Variants in GALNT12 observed in about 807,000 individuals in gnomAD.
GALNT12 encodes the protein UDP-GalNAc:polypeptide N-acetylgalactosaminyltransferase 12.
A neutral mutation model predicts 55.5 loss-of-function variants in GALNT12; 45 were observed. The observed-to-expected ratio is 0.81, with a 90% CI of 0.64 to 1.04. The LOEUF (loss-of-function observed/expected upper bound fraction) is 1.04, where lower values mean the gene tolerates loss of function less well. Among genes scored for constraint, GALNT12 ranks in the 50% least tolerant of loss-of-function variants. The pLI is 0.00. For missense variants in GALNT12, 709 were observed against 754.8 expected, an observed-to-expected ratio of 0.94 and a Z score of 0.71; for synonymous variants, 304 against 312.2, an observed-to-expected ratio of 0.97 and a Z score of 0.28.
Position 98,846,191 on chromosome 9 carries a change from A to T in GALNT12, c.1605+68A>T, listed in dbSNP as rs903491812. On this transcript the variant is annotated intron_variant, in intron 9 of 9. Transcript: ENST00000375011. ...CTATAAGGGAGAGTGTGAGAGTCAG[A>T]CGTTCTCTCTGGCATAGTCCTGGTG... 2.5e-6 allele frequency: 4 copies of T among 1,577,698 alleles called. No homozygotes were observed. In the African/African-American group the frequency reaches 4.1e-5, roughly 16 times the overall value.
chr9:98,845,234 C>G (rs1836384984), intron 8 of GALNT12, among the ~76,000 whole-genome samples: 1 of 152,098 alleles, frequency 6.6e-6, no homozygotes, highest in African/African-American at 2.4e-5. Flanking sequence ...TTTTAAGCAG[C>G]TTTTCAGGAG....
intron 9 of GALNT12, 112 bp from the exon 10 acceptor site, chr9:98,848,840 T>C: frequency 7.9e-7 from 1 of 1,273,228 alleles, no homozygotes; most frequent in Non-Finnish European, 1.1e-6. Flanking sequence ...CACTTACCCC[T>C]CAATAAATAT....
intron 9 of GALNT12, among the ~76,000 whole-genome samples, chr9:98,848,611 G>T (rs1836472766): frequency 6.6e-6 from 1 of 152,234 alleles, no homozygotes; most frequent in Non-Finnish European, 1.5e-5. Context: ...TGCACGGAAT[G>T]AGTTGACCTA....
chr9:98,833,230 G>A (rs1175550408), intron 4 of GALNT12, among the ~76,000 whole-genome samples: 1 of 152,194 alleles, frequency 6.6e-6, no homozygotes, highest in African/African-American at 2.4e-5. Flanking sequence ...TTGGGCAGGA[G>A]GAGGTCAGGA....
intron 3 of GALNT12, among the ~76,000 whole-genome samples, chr9:98,829,167 A>ATCTATCTATCTG (rs1835934267): frequency 6.8e-6 from 1 of 146,852 alleles, no homozygotes. Flanking sequence ...CTATCTATCT[A>ATCTATCTATCTG]TCTATCTATC....
At chr9:98,833,713 A>G (rs1362986143) in intron 4 of GALNT12, among the ~76,000 whole-genome samples, 1 of 152,234 alleles carries the variant, frequency 6.6e-6, no homozygotes, top group East Asian at 1.9e-4. Context: ...AGGAGCCCTT[A>G]GTGAGAACAT....
At chr9:98,822,643 C>T (rs1039687157) in intron 1 of GALNT12, among the ~76,000 whole-genome samples, 3 of 152,166 alleles carry the variant, frequency 2.0e-5, no homozygotes, top group African/African-American at 2.4e-5. Context: ...GCATTTGGGA[C>T]ACCACCTTTG....
chr9:98,846,244 C>A, intron 9 of GALNT12, 121 bp downstream of exon 9: 1 of 1,319,868 alleles, frequency 7.6e-7, no homozygotes, highest in Non-Finnish European at 1.1e-6. Flanking sequence ...CATGCATGGA[C>A]AGGAGCTCTG....
Position 98,845,231 on chromosome 9 carries a change from C to T in GALNT12, c.1459-746C>T, listed in dbSNP as rs545762834. On this transcript the variant is annotated intron_variant, in intron 8 of 9. Coordinates refer to ENST00000375011, the MANE Select transcript of GALNT12 (RefSeq NM_024642.5). ...CCGAATCCCAGACTCTTGTTTTAAG[C>T]AGCTTTTCAGGAGATAATGGTGTGA... 2.6e-5 allele frequency among the ~76,000 whole-genome samples: 4 copies of T among 152,208 alleles called. No homozygotes were observed. In the East Asian group the frequency reaches 5.8e-4, roughly 22 times the overall value.
At chr9:98,830,091 A>G (rs1167642482) in intron 3 of GALNT12, among the ~76,000 whole-genome samples, 1 of 152,194 alleles carries the variant, frequency 6.6e-6, no homozygotes, top group Non-Finnish European at 1.5e-5. Flanking sequence ...ATTCCCACCA[A>G]CGGTGTGTGA....
intron 4 of GALNT12, among the ~76,000 whole-genome samples, chr9:98,834,916 C>A (rs1175053470): frequency 6.6e-6 from 1 of 152,172 alleles, no homozygotes; most frequent in Non-Finnish European, 1.5e-5. Flanking sequence ...TGTCCTTTGT[C>A]CTGCAGACCT....
At chr9:98,826,115 T>C (rs529098549) in intron 2 of GALNT12, among the ~76,000 whole-genome samples, 70 of 152,310 alleles carry the variant, frequency 4.6e-4, no homozygotes, top group African/African-American at 1.6e-3. Context: ...TTCAACTTCC[T>C]TACTCTGTGA....
At chr9:98,826,572 C>G (rs1003700030) in intron 2 of GALNT12, among the ~76,000 whole-genome samples, 180 bp from the exon 3 acceptor site, 17 of 152,126 alleles carry the variant, frequency 1.1e-4, no homozygotes, top group African/African-American at 4.1e-4. Flanking sequence ...TCCTGGCCTT[C>G]GGAGCACTTC....
chr9:98,827,079 TC>T (rs1489853199), intron 3 of GALNT12, 138 bp downstream of exon 3: 1 of 906,826 alleles, frequency 1.1e-6, no homozygotes, highest in Non-Finnish European at 1.7e-6. Context: ...AGGAGAGCAG[TC>T]CCTGCTTAGT....
chr9:98,831,889 G>T lies in GALNT12; in HGVS notation c.849G>T (p.Leu283=), dbSNP rs1445593756. The T allele has an allele frequency of 4.3e-6, 7 of 1,614,144 alleles. No homozygotes were observed. The East Asian group carries it at 1.3e-4, about 31-fold the overall frequency. Residue 283 remains leucine, a synonymous_variant, in exon 4 of 10, where the codon CTG becomes CTT. Coordinates refer to ENST00000375011, the MANE Select transcript of GALNT12 (RefSeq NM_024642.5). Reference sequence around the variant, plus strand: ...AGATCGGCGGTTTCGACTGGAGGCTGGTGTTCACGTGGCACACAGTTCCTG... The same window carrying T: ...AGATCGGCGGTTTCGACTGGAGGCTTGTGTTCACGTGGCACACAGTTCCTG... The part of the protein sequence containing the change: ...EPQIGGFDWR[L]VFTWHTVPER...
intron 5 of GALNT12, 95 bp downstream of exon 5, chr9:98,835,461 G>T: frequency 1.2e-6 from 1 of 818,990 alleles, no homozygotes. Flanking sequence ...GACCCTGAAA[G>T]ATGATGACAC....
At chr9:98,848,425 G>A (rs750427918) in intron 9 of GALNT12, among the ~76,000 whole-genome samples, 8 of 152,186 alleles carry the variant, frequency 5.3e-5, no homozygotes, top group East Asian at 1.9e-4. Context: ...GAAGACCATC[G>A]TCTTTGGGGT....
At chr9:98,827,872 C>A (rs556020219) in intron 3 of GALNT12, among the ~76,000 whole-genome samples, 1 of 152,288 alleles carries the variant, frequency 6.6e-6, no homozygotes, top group Admixed American at 6.5e-5. Flanking sequence ...AGGCCATTGT[C>A]CTTGCTGTTC....
intron 2 of GALNT12, among the ~76,000 whole-genome samples, chr9:98,823,680 T>C (rs1304973487): frequency 2.0e-5 from 3 of 152,068 alleles, no homozygotes; most frequent in African/African-American, 4.8e-5. Flanking sequence ...GGAGGTGAGG[T>C]TGCAGGATGG....
Sources: gnomAD v4.1 joint callset for allele counts (sites outside exome capture counted in the v4.1 genomes callset) on GRCh38, gnomAD v4.1.1 for gene constraint, MANE v1.5 for transcripts, NCBI Gene and HGNC (gene_info 2026-07-23, HGNC 2026-07-21) for gene names.